The following AFMID variants were observed in gnomAD, a reference collection of about 807,000 sequenced individuals.
AFMID encodes arylformamidase.
Under a neutral mutation model 47.5 loss-of-function variants are expected in AFMID, and 39 were observed. That is an observed-to-expected ratio of 0.82 (90% CI 0.64 to 1.07). The LOEUF (loss-of-function observed/expected upper bound fraction) is 1.07. Ranked by LOEUF, AFMID falls within the 50% of genes least tolerant of loss-of-function variation. The pLI is 0.00. For missense variants in AFMID, 375 were observed against 387.5 expected (o/e 0.97, Z 0.27); for synonymous variants, 130 against 153.2 (o/e 0.85, Z 1.12).
At chr17:78,199,698 G>T (rs2076201176) in intron 2 of AFMID, among the ~76,000 whole-genome samples, 1 of 152,094 alleles carries the variant, frequency 6.6e-6, no homozygotes, top group Non-Finnish European at 1.5e-5. Context: ...TAGGCCTGCT[G>T]TGGCCACCAA....
chr17:78,187,470 C>T (rs776416429), intron 1 of AFMID, 37 bp downstream of exon 1: 1 of 1,608,838 alleles, frequency 6.2e-7, no homozygotes, highest in Non-Finnish European at 8.5e-7. Flanking sequence ...GGGGCTGGGG[C>T]GGAGTTAGCT....
chr17:78,197,299 G>A (rs576953174), intron 2 of AFMID: 28 of 1,271,042 alleles, frequency 2.2e-5, no homozygotes, highest in South Asian at 2.2e-4. Context: ...TGACAAATGC[G>A]TCTGCCTTTT....
intron 2 of AFMID, among the ~76,000 whole-genome samples, chr17:78,196,052 A>G (rs576833340): frequency 2.0e-5 from 3 of 152,028 alleles, no homozygotes; most frequent in African/African-American, 7.2e-5. Flanking sequence ...GTTAGCCAGG[A>G]TGGTAGCATT....
At chr17:78,200,343 CAG>C (rs920581840) in intron 2 of AFMID, among the ~76,000 whole-genome samples, 12 of 152,106 alleles carry the variant, frequency 7.9e-5, no homozygotes, top group African/African-American at 2.7e-4. Flanking sequence ...TTAGTAGAGA[CAG>C]GGTTTTACCA....
Position 78,207,272 on chromosome 17 carries a change from T to A in AFMID, c.*335T>A, listed in dbSNP as rs1486784557. 2.1e-5 allele frequency: 4 copies of A among 193,434 alleles called. No homozygotes were observed. The highest frequency in any genetic ancestry group is 3.9e-5 in the Non-Finnish European group (4 of 102,918). 12.0% of individuals were successfully genotyped at this position (193,434 alleles called of 1,614,324 possible). ...GACGCTCAAAAGTAATGCCATTACTTCTTTTTTTTTTTTTTTTTTTTTTTT... is the reference window on the plus strand; with the variant it reads ...GACGCTCAAAAGTAATGCCATTACTACTTTTTTTTTTTTTTTTTTTTTTTT... On this transcript the variant is annotated 3_prime_UTR_variant, in exon 11 of 11. Transcript: ENST00000409257.
At chr17:78,206,318 G>A (rs1429515943) in intron 10 of AFMID, among the ~76,000 whole-genome samples, 4 of 64,900 alleles carry the variant, frequency 6.2e-5, no homozygotes, top group South Asian at 9.0e-4. Flanking sequence ...CGGCCTGAGC[G>A]ACAGAGTAAG....
intron 9 of AFMID, 65 bp from the exon 10 acceptor site, chr17:78,205,881 C>G: frequency 1.3e-6 from 2 of 1,590,020 alleles, no homozygotes; most frequent in Admixed American, 1.7e-5. Flanking sequence ...CAGGCATGGC[C>G]CCATGTCCTG....
chr17:78,195,175 A>G (rs1396449074), intron 2 of AFMID, among the ~76,000 whole-genome samples: 1 of 150,140 alleles, frequency 6.7e-6, no homozygotes, highest in Admixed American at 6.7e-5. Context: ...TGAGTGTTTA[A>G]AGGGGACAGT....
At chr17:78,203,028 G>A (rs2076286650) in intron 4 of AFMID, 2 of 351,670 alleles carry the variant, frequency 5.7e-6, no homozygotes, top group South Asian at 5.2e-5. Flanking sequence ...TGATCCTGGT[G>A]TTCCTGGGTC....
chr17:78,198,842 C>T (rs941670811), intron 2 of AFMID, among the ~76,000 whole-genome samples: 1 of 152,076 alleles, frequency 6.6e-6, no homozygotes, highest in Non-Finnish European at 1.5e-5. Context: ...AAAACCAAAA[C>T]CACACAAGGC....
intron 2 of AFMID, among the ~76,000 whole-genome samples, chr17:78,199,372 T>G (rs1489395314): frequency 4.3e-5 from 6 of 138,474 alleles, no homozygotes; most frequent in Non-Finnish European, 7.5e-5. Context: ...CACGGTTGTT[T>G]TTTTTTTTCT....
At chr17:78,194,125 C>A (rs77068533) in intron 2 of AFMID, among the ~76,000 whole-genome samples, 2 of 106,732 alleles carry the variant, frequency 1.9e-5, no homozygotes, top group Non-Finnish European at 4.0e-5. Flanking sequence ...TTTTTTTTTT[C>A]TTTGAGACAA....
At chr17:78,197,286 C>A (rs2076138786) in intron 2 of AFMID, 3 of 1,370,626 alleles carry the variant, frequency 2.2e-6, no homozygotes, top group Non-Finnish European at 3.0e-6. Flanking sequence ...AATGGCCTCA[C>A]AGTGACAAAT....
intron 9 of AFMID, 29 bp from the exon 10 acceptor site, chr17:78,205,917 G>A (rs1042524431): frequency 1.2e-6 from 2 of 1,610,428 alleles, no homozygotes; most frequent in East Asian, 2.2e-5. Context: ...CACTGCTCAG[G>A]CCCCTCTTCC....
chr17:78,203,124 G>A (rs997125642), intron 4 of AFMID: 4 of 180,968 alleles, frequency 2.2e-5, no homozygotes, highest in South Asian at 1.9e-4. Context: ...GCAGTGGTGC[G>A]ACCTCAGCTC....
At chr17:78,187,960 C>CAAAAAAAAAAAAAAAAAAAAAA (rs34018698) in intron 1 of AFMID, among the ~76,000 whole-genome samples, 3 of 56,662 alleles carry the variant, frequency 5.3e-5, no homozygotes, top group African/African-American at 7.7e-5. Flanking sequence ...GACTTAGTCT[C>CAAAAAAAAAAAAAAAAAAAAAA]AAAAAAAAAA....
chr17:78,202,900 A>G, intron 4 of AFMID, 149 bp downstream of exon 4: 2 of 996,334 alleles, frequency 2.0e-6, no homozygotes, highest in Non-Finnish European at 3.0e-6. Context: ...GGAAGTCTCA[A>G]GTCAAATGTG....
chr17:78,193,809 C>G (rs2076038509), intron 2 of AFMID, among the ~76,000 whole-genome samples: 1 of 151,924 alleles, frequency 6.6e-6, no homozygotes, highest in Admixed American at 6.6e-5. Context: ...AACCCTGTCT[C>G]TACTAAAAAT....
intron 9 of AFMID, 58 bp downstream of exon 9, chr17:78,205,796 C>T (rs375972731): frequency 1.9e-6 from 3 of 1,601,536 alleles, no homozygotes; most frequent in Non-Finnish European, 2.6e-6. Context: ...TCATTATTTT[C>T]CTCTTTCTTT....
Sources: allele counts gnomAD v4.1 joint callset (sites outside exome capture counted in the v4.1 genomes callset), GRCh38; gene constraint gnomAD v4.1.1; transcripts MANE v1.5; gene names NCBI Gene and HGNC (gene_info 2026-07-23, HGNC 2026-07-21).